PCDH7: variants seen among roughly 807,000 people sequenced by gnomAD.
PCDH7 encodes the protein protocadherin-7.
Under a neutral mutation model 58.9 loss-of-function variants are expected in PCDH7, and 17 were observed. The ratio of observed to expected loss-of-function variants is 0.29; its 90% CI spans 0.20 to 0.43. PCDH7 has a LOEUF of 0.43. Ranked by LOEUF, PCDH7 falls within the 20% of genes least tolerant of loss-of-function variation. PCDH7 has a pLI of 1.00. For synonymous variants in PCDH7, 664 were observed against 616.4 expected (o/e 1.08, Z -1.14); for missense variants, 1,274 against 1,441.0 (o/e 0.88, Z 1.88).
intron 1 of PCDH7, among the ~76,000 whole-genome samples, chr4:30,902,216 T>C (rs1197030398): frequency 6.6e-6 from 1 of 152,196 alleles, no homozygotes; most frequent in Non-Finnish European, 1.5e-5. Context: ...CGTTAATCAT[T>C]ATCCACTGGA....
intron 3 of PCDH7, among the ~76,000 whole-genome samples, chr4:31,067,983 A>G (rs1476862204): frequency 2.6e-5 from 4 of 152,112 alleles, no homozygotes; most frequent in Admixed American, 1.3e-4. Flanking sequence ...TAAGGATCTA[A>G]TTGTGCACAA....
intron 3 of PCDH7, among the ~76,000 whole-genome samples, chr4:31,040,383 C>G (rs1251266701): frequency 6.6e-6 from 1 of 152,110 alleles, no homozygotes; most frequent in African/African-American, 2.4e-5. Flanking sequence ...CTTTATCTGG[C>G]TCCTTTTGCT....
At chr4:30,790,701 A>G (rs990747976) in intron 1 of PCDH7, among the ~76,000 whole-genome samples, 4 of 152,132 alleles carry the variant, frequency 2.6e-5, no homozygotes, top group African/African-American at 4.8e-5. Context: ...GAGAGGATCA[A>G]TTCAGGTTAA....
intron 1 of PCDH7, among the ~76,000 whole-genome samples, chr4:30,812,362 A>G (rs1417469849): frequency 6.6e-6 from 1 of 152,236 alleles, no homozygotes; most frequent in Non-Finnish European, 1.5e-5. Context: ...TTGGAAATAT[A>G]TCATTTCAAA....
At chr4:30,735,174 T>C (rs1330866529), downstream of PCDH7, among the ~76,000 whole-genome samples, 2 of 152,122 alleles carry the variant, frequency 1.3e-5, no homozygotes, top group South Asian at 4.1e-4. Context: ...TTTAGCATTT[T>C]TCTGAATATC....
chr4:31,047,070 AC>A (rs1756348358), intron 3 of PCDH7, among the ~76,000 whole-genome samples: 1 of 152,108 alleles, frequency 6.6e-6, no homozygotes, highest in African/African-American at 2.4e-5. Flanking sequence ...TCTCAAGTTC[AC>A]TAAAACACAA....
At chr4:31,119,054 C>G (rs899940201) in intron 3 of PCDH7, among the ~76,000 whole-genome samples, 3 of 151,606 alleles carry the variant, frequency 2.0e-5, no homozygotes, top group African/African-American at 7.3e-5. Context: ...GTTTTTCTTT[C>G]TTGCTAAGAC....
intron 3 of PCDH7, among the ~76,000 whole-genome samples, chr4:31,031,359 G>A (rs73815166): frequency 0.017 from 2,621 of 152,206 alleles, 89 homozygotes; most frequent in African/African-American, 0.06. Flanking sequence ...ACAAAGAATG[G>A]TCCAACCAAA....
chr4:30,837,317 A>T (rs373596413), intron 1 of PCDH7, among the ~76,000 whole-genome samples: 40 of 152,218 alleles, frequency 2.6e-4, no homozygotes, highest in Admixed American at 5.9e-4. Flanking sequence ...GTCTGATTTG[A>T]CATTGGACAC....
intron 1 of PCDH7, among the ~76,000 whole-genome samples, chr4:30,764,134 T>G (rs989288069): frequency 1.3e-5 from 2 of 152,200 alleles, no homozygotes; most frequent in East Asian, 3.8e-4. Flanking sequence ...TATTTCAATT[T>G]CAGTAGTAAA....
intron 1 of PCDH7, among the ~76,000 whole-genome samples, chr4:30,743,377 T>C (rs1427617552): frequency 6.6e-6 from 1 of 151,980 alleles, no homozygotes; most frequent in East Asian, 1.9e-4. Flanking sequence ...AAAGTCTTAA[T>C]TTACAAAAGG....
intron 3 of PCDH7, among the ~76,000 whole-genome samples, chr4:31,062,525 G>A (rs758354200): frequency 1.5e-3 from 228 of 151,798 alleles, no homozygotes; most frequent in Middle Eastern, 3.4e-3. Flanking sequence ...GGATACGAGA[G>A]CCAAACCCTT....
chr4:30,843,702 T>A (rs929647394), intron 1 of PCDH7, among the ~76,000 whole-genome samples: 7 of 152,320 alleles, frequency 4.6e-5, no homozygotes, highest in Non-Finnish European at 1.0e-4. Flanking sequence ...TACCTAGATT[T>A]TTTTTTGTGG....
At chr4:30,883,778 G>A (rs1436004578) in intron 1 of PCDH7, among the ~76,000 whole-genome samples, 1 of 152,104 alleles carries the variant, frequency 6.6e-6, no homozygotes, top group Non-Finnish European at 1.5e-5. Context: ...AAGAGCTATT[G>A]TGTCAGGGAG....
intron 3 of PCDH7, among the ~76,000 whole-genome samples, chr4:31,070,220 A>G (rs1390233647): frequency 2.0e-5 from 3 of 152,070 alleles, no homozygotes; most frequent in Non-Finnish European, 4.4e-5. Flanking sequence ...ATATTCTCAA[A>G]TGTTCACTTT....
intron 3 of PCDH7, among the ~76,000 whole-genome samples, chr4:31,007,588 T>G (rs1752872440): frequency 7.3e-6 from 1 of 137,588 alleles, no homozygotes; most frequent in African/African-American, 3.2e-5. Flanking sequence ...GTTTTATGGT[T>G]TTTTTTTTTT....
intron 1 of PCDH7, among the ~76,000 whole-genome samples, chr4:30,800,050 G>A (rs1448623127): frequency 6.6e-6 from 1 of 151,584 alleles, no homozygotes; most frequent in Non-Finnish European, 1.5e-5. Flanking sequence ...AGTAGAGACG[G>A]GATTTCATTA....
In PCDH7 at chr4:30,921,897, T is replaced by C. The variant is rs769364553; in HGVS notation, c.287+1528T>C. 1.9e-4 allele frequency among the ~76,000 whole-genome samples: 29 copies of C among 152,082 alleles called. 1 individual carries two copies. The highest frequency in any genetic ancestry group is 3.3e-4 in the Admixed American group (5 of 15,252). ...TGTAATTACATATGTAATTTGGATGTCAGCTTTATTAAAAAAGGACTTTGT... is the reference window on the plus strand; with the variant it reads ...TGTAATTACATATGTAATTTGGATGCCAGCTTTATTAAAAAAGGACTTTGT... On this transcript the variant is annotated intron_variant, in intron 2 of 3. Transcript: ENST00000509759.
chr4:30,936,942 C>T (rs1745410452), intron 2 of PCDH7, among the ~76,000 whole-genome samples: 1 of 138,792 alleles, frequency 7.2e-6, no homozygotes, highest in Non-Finnish European at 1.6e-5. Context: ...GACTGTAATT[C>T]ATTGGCAGTT....
Sources: gnomAD v4.1 joint callset for allele counts (sites outside exome capture counted in the v4.1 genomes callset) on GRCh38, gnomAD v4.1.1 for gene constraint, MANE v1.5 for transcripts, NCBI Gene and HGNC (gene_info 2026-07-23, HGNC 2026-07-21) for gene names.